ZNF804A: variants seen among roughly 807,000 people sequenced by gnomAD.
ZNF804A encodes zinc finger protein 804A.
Under a neutral mutation model 16.5 loss-of-function variants are expected in ZNF804A, and 2 were observed. That is an observed-to-expected ratio of 0.12 (90% CI 0.05 to 0.38). The LOEUF is 0.38. Ranked by LOEUF, ZNF804A falls within the 10% of genes least tolerant of loss-of-function variation. The pLI is 0.99. For missense variants in ZNF804A, 1,473 were observed against 1,390.7 expected, an observed-to-expected ratio of 1.06 and a Z score of -0.94; for synonymous variants, 534 against 489.6, an observed-to-expected ratio of 1.09 and a Z score of -1.20.
chr2:184,693,287 T>C (rs1692763509), intron 1 of ZNF804A, among the ~76,000 whole-genome samples: 1 of 152,122 alleles, frequency 6.6e-6, no homozygotes, highest in African/African-American at 2.4e-5. Context: ...AATTTATGAG[T>C]TGGAAAGTAT....
intron 1 of ZNF804A, among the ~76,000 whole-genome samples, chr2:184,828,236 A>G (rs1405542298): frequency 6.6e-6 from 1 of 151,898 alleles, no homozygotes; most frequent in Admixed American, 6.6e-5. Flanking sequence ...GCCCATGATC[A>G]CATGGCTAGT....
At chr2:184,644,009 T>A (rs1691835678) in intron 1 of ZNF804A, among the ~76,000 whole-genome samples, 1 of 151,690 alleles carries the variant, frequency 6.6e-6, no homozygotes, top group Non-Finnish European at 1.5e-5. Flanking sequence ...TCTAAAAATA[T>A]TTTACCATAA....
chr2:184,632,825 C>T lies in ZNF804A; in HGVS notation c.111+33755C>T, dbSNP rs77603766. ...GAAATGTGTTCCTTCCCTATCTGGC[C>T]AGAGTTTAGCAAACATTGCTAGTCA... On this transcript the variant is annotated intron_variant, in intron 1 of 3. Coordinates refer to ENST00000302277, the MANE Select transcript of ZNF804A (RefSeq NM_194250.2). Among the ~76,000 whole-genome samples, 1,465 of 152,222 alleles carry T rather than the reference C, an allele frequency of 9.6e-3. 26 individuals carry two copies. The highest frequency in any genetic ancestry group is 0.034 in the African/African-American group (1,396 of 41,518).
At chr2:184,805,480 TTAGTTGGGAATAGCAGGC>T (rs1404163702) in intron 1 of ZNF804A, among the ~76,000 whole-genome samples, 1 of 152,054 alleles carries the variant, frequency 6.6e-6, no homozygotes, top group East Asian at 1.9e-4. Flanking sequence ...TTACTGTACT[TTAGTTGGGAATAGCAGGC>T]TATTCCAGCC....
intron 1 of ZNF804A, among the ~76,000 whole-genome samples, chr2:184,632,190 T>A (rs894326681): frequency 6.6e-6 from 1 of 152,132 alleles, no homozygotes; most frequent in African/African-American, 2.4e-5. Flanking sequence ...CAAAAATTCT[T>A]AATATTCATA....
intron 1 of ZNF804A, among the ~76,000 whole-genome samples, chr2:184,758,943 T>C (rs1479401451): frequency 6.6e-6 from 1 of 151,890 alleles, no homozygotes; most frequent in African/African-American, 2.4e-5. Flanking sequence ...TATTCAATTT[T>C]CTCAAATTTT....
At chr2:184,636,210 A>G (rs1574140970) in intron 1 of ZNF804A, among the ~76,000 whole-genome samples, 2 of 151,764 alleles carry the variant, frequency 1.3e-5, no homozygotes, top group East Asian at 1.9e-4. Flanking sequence ...TCAAATATTC[A>G]GTGACTCAAT....
intron 1 of ZNF804A, among the ~76,000 whole-genome samples, chr2:184,674,399 T>C (rs1047864965): frequency 6.6e-6 from 1 of 151,876 alleles, no homozygotes; most frequent in Non-Finnish European, 1.5e-5. Context: ...ATATGAAGGC[T>C]TGTAAATGAA....
intron 1 of ZNF804A, among the ~76,000 whole-genome samples, chr2:184,694,425 T>A (rs1692787092): frequency 6.6e-6 from 1 of 152,216 alleles, no homozygotes; most frequent in Admixed American, 6.5e-5. Context: ...TATTTTTATA[T>A]AATTATGTGT....
chr2:184,606,135 G>A (rs985326472), intron 1 of ZNF804A, among the ~76,000 whole-genome samples: 2 of 152,162 alleles, frequency 1.3e-5, no homozygotes, highest in Non-Finnish European at 2.9e-5. Context: ...ATGATGGCTA[G>A]TTTTATGTGT....
intron 2 of ZNF804A, among the ~76,000 whole-genome samples, chr2:184,925,543 T>G (rs1685596488): frequency 6.6e-6 from 1 of 151,986 alleles, no homozygotes; most frequent in Non-Finnish European, 1.5e-5. Flanking sequence ...ATGCTTAATG[T>G]TATTATTGAT....
chr2:184,635,910 G>T (rs952033309), intron 1 of ZNF804A, among the ~76,000 whole-genome samples: 1 of 152,116 alleles, frequency 6.6e-6, no homozygotes. Context: ...TATTGTGCCT[G>T]ATGGGAAATG....
chr2:184,853,738 T>A (rs1354454066), intron 1 of ZNF804A, among the ~76,000 whole-genome samples: 2 of 151,908 alleles, frequency 1.3e-5, no homozygotes, highest in Admixed American at 1.3e-4. Context: ...ATCCCCAATA[T>A]AAATCTCAAC....
At chr2:184,603,845 CT>C (rs1414200325) in intron 1 of ZNF804A, among the ~76,000 whole-genome samples, 2 of 152,060 alleles carry the variant, frequency 1.3e-5, no homozygotes, top group African/African-American at 4.8e-5. Flanking sequence ...ATTTTCTGAA[CT>C]TAAGGTGTCA....
intron 1 of ZNF804A, among the ~76,000 whole-genome samples, chr2:184,787,476 GTGTC>G (rs1368397143): frequency 3.9e-5 from 6 of 151,934 alleles, no homozygotes; most frequent in African/African-American, 1.2e-4. Context: ...GCTACCAACA[GTGTC>G]TGAGCACTCC....
intron 1 of ZNF804A, among the ~76,000 whole-genome samples, chr2:184,742,212 A>T (rs1693718975): frequency 6.6e-6 from 1 of 151,958 alleles, no homozygotes; most frequent in Non-Finnish European, 1.5e-5. Context: ...TTGTGCATTC[A>T]TTTCAATCAT....
chr2:184,801,672 C>A (rs1373351296), intron 1 of ZNF804A, among the ~76,000 whole-genome samples: 1 of 152,190 alleles, frequency 6.6e-6, no homozygotes, highest in African/African-American at 2.4e-5. Context: ...TTTCTGCTTA[C>A]ATAAACCATA....
chr2:184,792,762 G>C (rs552723576), intron 1 of ZNF804A, among the ~76,000 whole-genome samples: 1 of 152,028 alleles, frequency 6.6e-6, no homozygotes, highest in African/African-American at 2.4e-5. Flanking sequence ...TATCTTCTAG[G>C]AGTTTTTCTT....
chr2:184,656,944 T>C (rs566565164), intron 1 of ZNF804A, among the ~76,000 whole-genome samples: 4 of 152,276 alleles, frequency 2.6e-5, no homozygotes, highest in Non-Finnish European at 5.9e-5. Flanking sequence ...TAAAGGGTAA[T>C]TTTTTCATTC....
Sources: allele counts gnomAD v4.1 joint callset (sites outside exome capture counted in the v4.1 genomes callset), GRCh38; gene constraint gnomAD v4.1.1; transcripts MANE v1.5; gene names NCBI Gene and HGNC (gene_info 2026-07-23, HGNC 2026-07-21).